Variants in OCA2 observed in about 807,000 individuals in gnomAD.
OCA2 encodes the protein OCA2 melanosomal transmembrane protein, also known as P protein.
Under a neutral mutation model 100.2 loss-of-function variants are expected in OCA2, and 77 were observed. That is an observed-to-expected ratio of 0.77 (90% CI 0.64 to 0.93). OCA2 has a LOEUF of 0.93. Among genes scored for constraint, OCA2 ranks in the 40% least tolerant of loss-of-function variants. OCA2 has a pLI of 0.00. For missense variants in OCA2, 1,062 were observed against 1,089.1 expected, an observed-to-expected ratio of 0.98 and a Z score of 0.35; for synonymous variants, 432 against 439.2, an observed-to-expected ratio of 0.98 and a Z score of 0.21.
chr15:27,951,556 A>G (rs912637968), intron 18 of OCA2, among the ~76,000 whole-genome samples: 1 of 152,148 alleles, frequency 6.6e-6, no homozygotes, highest in African/African-American at 2.4e-5. Context: ...CATGGCACAG[A>G]GTCTAAGGGG....
At chr15:27,971,567 G>A (rs1024871885) in intron 14 of OCA2, among the ~76,000 whole-genome samples, 1 of 152,112 alleles carries the variant, frequency 6.6e-6, no homozygotes, top group Non-Finnish European at 1.5e-5. Flanking sequence ...CATGTGGTGG[G>A]TCCTGGAGGT....
rs576815195 is a variant in OCA2, at chr15:27,904,574, G to T, written c.2079+21553C>A. Among the ~76,000 whole-genome samples the T allele has an allele frequency of 5.3e-5, 8 of 152,236 alleles. No homozygotes were observed. In the South Asian group the frequency reaches 1.5e-3, roughly 28 times the overall value. On this transcript the variant is annotated intron_variant, in intron 19 of 23. Coordinates refer to ENST00000354638, the MANE Select transcript of OCA2 (RefSeq NM_000275.3). ...GGGCTGGAGACACGAGCTGACACATGGAGCAGCAGCTCAGCCCCTCACTGA... is the reference window on the plus strand; with the variant it reads ...GGGCTGGAGACACGAGCTGACACATTGAGCAGCAGCTCAGCCCCTCACTGA...
chr15:28,095,892 C>T (rs1014017601), intron 1 of OCA2, among the ~76,000 whole-genome samples: 6 of 152,140 alleles, frequency 3.9e-5, no homozygotes, highest in Non-Finnish European at 8.8e-5. Flanking sequence ...GAGAAAACAC[C>T]CGTCACTGAA....
At chr15:27,744,105 C>T in the OCA2 span, among the ~76,000 whole-genome samples, 6 of 152,280 alleles carry the variant, frequency 3.9e-5, no homozygotes, top group Middle Eastern at 3.4e-3. Flanking sequence ...ACCTGCACCT[C>T]GATTTAGCAT....
At chr15:27,855,940 G>A (rs118161251) in intron 21 of OCA2, among the ~76,000 whole-genome samples, 2 of 152,270 alleles carry the variant, frequency 1.3e-5, no homozygotes, top group Admixed American at 6.5e-5. Flanking sequence ...AAAGCACCAC[G>A]AGCTGGGTAC....
intron 9 of OCA2, among the ~76,000 whole-genome samples, chr15:28,006,416 C>T (rs1433827450): frequency 6.6e-6 from 1 of 152,168 alleles, no homozygotes; most frequent in African/African-American, 2.4e-5. Flanking sequence ...AAAATACTTG[C>T]CATTTTTCTA....
chr15:28,001,650 A>T (rs1020917605), intron 9 of OCA2, among the ~76,000 whole-genome samples: 1 of 152,192 alleles, frequency 6.6e-6, no homozygotes, highest in Admixed American at 6.5e-5. Context: ...GTGCAGGAAA[A>T]ATGTTGCAGA....
chr15:27,903,649 C>A (rs1487377302), intron 19 of OCA2, among the ~76,000 whole-genome samples: 1 of 152,184 alleles, frequency 6.6e-6, no homozygotes, highest in Non-Finnish European at 1.5e-5. Flanking sequence ...CGGGTCCCTG[C>A]GGCCTAGCGG....
intron 18 of OCA2, among the ~76,000 whole-genome samples, chr15:27,934,942 C>T (rs2039398591): frequency 6.6e-6 from 1 of 152,180 alleles, no homozygotes; most frequent in African/African-American, 2.4e-5. Flanking sequence ...TGCATAAGCT[C>T]GTCTGCTTGG....
chr15:28,031,007 T>A (rs764876987), intron 3 of OCA2, among the ~76,000 whole-genome samples: 2 of 152,188 alleles, frequency 1.3e-5, no homozygotes, highest in Non-Finnish European at 2.9e-5. Flanking sequence ...CAGATTAACT[T>A]CCTTCTTTCT....
intron 18 of OCA2, among the ~76,000 whole-genome samples, chr15:27,944,593 A>G (rs1240345064): frequency 6.6e-6 from 1 of 152,146 alleles, no homozygotes; most frequent in Non-Finnish European, 1.5e-5. Flanking sequence ...CATGTTTGAG[A>G]CTGATGGCTC....
intron 18 of OCA2, among the ~76,000 whole-genome samples, chr15:27,947,957 A>G (rs1037732252): frequency 9.9e-5 from 15 of 152,192 alleles, no homozygotes; most frequent in Non-Finnish European, 1.8e-4. Flanking sequence ...TCAGCCACAT[A>G]GGAAATTCCC....
intron 23 of OCA2, among the ~76,000 whole-genome samples, chr15:27,756,962 A>G (rs1237398778): frequency 1.3e-5 from 2 of 152,144 alleles, no homozygotes; most frequent in African/African-American, 4.8e-5. Flanking sequence ...ATCACCAAAC[A>G]TTTTCATTTC....
At chr15:27,994,462 T>G (rs2141047900) in intron 9 of OCA2, among the ~76,000 whole-genome samples, 1 of 152,222 alleles carries the variant, frequency 6.6e-6, no homozygotes, top group Non-Finnish European at 1.5e-5. Flanking sequence ...ATAGCACACC[T>G]CTTCCTACAC....
intron 23 of OCA2, among the ~76,000 whole-genome samples, chr15:27,823,173 C>T (rs28755910): frequency 0.5 from 76,705 of 151,958 alleles, 19,946 homozygotes; most frequent in South Asian, 0.76. Context: ...TACGTTTGAG[C>T]CTGTTTCTGG....
At chr15:27,728,171 G>A in the OCA2 span, among the ~76,000 whole-genome samples, 1 of 152,120 alleles carries the variant, frequency 6.6e-6, no homozygotes, top group Non-Finnish European at 1.5e-5. Flanking sequence ...ATCCATCCTG[G>A]AGCAAAATTC....
intron 2 of OCA2, among the ~76,000 whole-genome samples, chr15:28,070,059 A>T (rs1253382970): frequency 3.9e-5 from 4 of 103,524 alleles, no homozygotes; most frequent in East Asian, 5.0e-4. Context: ...CCGCCGCCCC[A>T]TCTGGGATGT....
intron 19 of OCA2, among the ~76,000 whole-genome samples, chr15:27,913,651 T>C (rs1272797666): frequency 1.3e-5 from 2 of 151,544 alleles, no homozygotes; most frequent in Non-Finnish European, 1.5e-5. Context: ...AAAACTGCCA[T>C]GAAAATCTTC....
intron 15 of OCA2, among the ~76,000 whole-genome samples, chr15:27,965,953 CTGTTTGTT>C (rs112228806): frequency 0.5 from 75,075 of 150,826 alleles, 23,433 homozygotes; most frequent in Non-Finnish European, 0.71. Context: ...TCAGCATCTG[CTGTTTGTT>C]TGTTTGTTTG....
Sources: gnomAD v4.1 joint callset for allele counts (sites outside exome capture counted in the v4.1 genomes callset) on GRCh38, gnomAD v4.1.1 for gene constraint, MANE v1.5 for transcripts, NCBI Gene and HGNC (gene_info 2026-07-23, HGNC 2026-07-21) for gene names.